The following ACTA2 variants were observed in gnomAD, a reference collection of about 807,000 sequenced individuals.
ACTA2 encodes the protein actin alpha 2, smooth muscle.
Under a neutral mutation model 39.5 loss-of-function variants are expected in ACTA2, and 12 were observed. The ratio of observed to expected loss-of-function variants is 0.30; its 90% confidence interval spans 0.19 to 0.49. The LOEUF (loss-of-function observed/expected upper bound fraction) is 0.49. Among genes scored for constraint, ACTA2 ranks in the 20% least tolerant of loss-of-function variants. ACTA2 has a pLI of 0.99. For missense variants in ACTA2, 236 were observed against 498.8 expected (o/e 0.47, Z 5.02); for synonymous variants, 158 against 180.6 (o/e 0.88, Z 1.00).
At chr10:88,962,927 ATATATATATATATATAT>A in intron 1 of ACTA2, among the ~76,000 whole-genome samples, 1 of 4,416 alleles carries the variant, frequency 2.3e-4, no homozygotes, top group South Asian at 4.3e-3. Context: ...ATATATATAT[ATATATATATATATATAT>A]ATATATATAT....
rs1268825216 is a variant in ACTA2, at chr10:88,943,877, G to A, written c.289C>T (p.Arg97Cys). The change falls in exon 4 of 9, where the codon CGT becomes TGT. Residue 97 changes from arginine (R) to cysteine (C), a missense_variant. Arg to Cys is a radical substitution (Grantham distance 180). Transcript: ENST00000224784. ...GTGGGATGCTCTTCAGGGGCAACAC[G>A]AAGCTCATTGTAGAAAGAGTGGTGC... The part of the protein sequence containing the change: ...IWHHSFYNEL[R>C]VAPEEHPTLL... The A allele has an allele frequency of 1.9e-6, 3 of 1,613,922 alleles. No homozygotes were observed. Among genetic ancestry groups the A allele is most frequent in the Admixed American group, 1.7e-5 (1 of 59,996 alleles).
intron 4 of ACTA2, among the ~76,000 whole-genome samples, chr10:88,943,094 G>A (rs1004880902): frequency 2.0e-5 from 3 of 152,188 alleles, no homozygotes; most frequent in Non-Finnish European, 4.4e-5. Flanking sequence ...GACAATGAAT[G>A]TAAAATGCTG....
chr10:88,985,301 T>C (rs893914908), intron 1 of ACTA2, among the ~76,000 whole-genome samples: 1 of 152,166 alleles, frequency 6.6e-6, no homozygotes, highest in South Asian at 2.1e-4. Context: ...AGTTGCTAAT[T>C]TGGGGGTGTT....
At chr10:88,982,035 T>C (rs1356967390) in intron 1 of ACTA2, among the ~76,000 whole-genome samples, 1 of 152,194 alleles carries the variant, frequency 6.6e-6, no homozygotes, top group Non-Finnish European at 1.5e-5. Flanking sequence ...GTCTAACACA[T>C]AGTGAGTGCT....
intron 1 of ACTA2, among the ~76,000 whole-genome samples, chr10:88,964,212 T>A (rs985671066): frequency 6.6e-6 from 1 of 152,142 alleles, no homozygotes; most frequent in East Asian, 1.9e-4. Context: ...CGAATTCTTA[T>A]CTGGAACCCC....
rs1847076206 is a variant in ACTA2, at chr10:88,990,142, TCCCTTTTCAGA to T, written c.-24+786_-24+796del. On this transcript the variant is annotated intron_variant, in intron 1 of 4. Transcript: ENST00000415557. This position sits in a 1 kb window ranked among gnomAD's most constrained non-coding sequence, Gnocchi z 4.9. The stretch of plus-strand genomic sequence containing the variant: ...TTGAGAAATAAAAACTAAGGGGCCC[TCCCTTTTCAGA>T]GCCCTATGGCGCAACATCTGTACTT... Among the ~76,000 whole-genome samples the T allele has an allele frequency of 1.3e-5, 2 of 152,238 alleles. No individual in the cohort carries two copies. The highest frequency in any genetic ancestry group is 4.8e-5 in the African/African-American group (2 of 41,554).
intron 1 of ACTA2, among the ~76,000 whole-genome samples, chr10:88,985,601 T>A (rs1846856665): frequency 6.6e-6 from 1 of 152,194 alleles, no homozygotes; most frequent in Non-Finnish European, 1.5e-5. Context: ...AGCTGTCCCC[T>A]CAGCCTTTTC....
chr10:88,957,168 G>A (rs1380199360), upstream of ACTA2, among the ~76,000 whole-genome samples: 2 of 152,154 alleles, frequency 1.3e-5, no homozygotes, highest in Non-Finnish European at 2.9e-5. Flanking sequence ...ATCCTGTAAT[G>A]GCCAACTAGG....
intron 1 of ACTA2, among the ~76,000 whole-genome samples, chr10:88,959,304 C>T (rs1462019571): frequency 6.6e-6 from 1 of 152,168 alleles, no homozygotes; most frequent in Non-Finnish European, 1.5e-5. Context: ...AATGCACAGG[C>T]TACACTCTAG....
At chr10:88,950,349 T>C (rs1846027249) in intron 1 of ACTA2, among the ~76,000 whole-genome samples, 1 of 152,138 alleles carries the variant, frequency 6.6e-6, no homozygotes, top group African/African-American at 2.4e-5. Context: ...TCCAAATCCA[T>C]ATAAAAAAGG....
chr10:88,962,968 T>G (rs1846258767), intron 1 of ACTA2, among the ~76,000 whole-genome samples: 1 of 41,556 alleles, frequency 2.4e-5, no homozygotes, highest in African/African-American at 1.3e-4. Context: ...TATATATATA[T>G]ATATATATAA....
At chr10:88,964,180 A>G (rs1846282548) in intron 1 of ACTA2, among the ~76,000 whole-genome samples, 1 of 152,076 alleles carries the variant, frequency 6.6e-6, no homozygotes, top group South Asian at 2.1e-4. Context: ...GGGAGGAAAA[A>G]AGAATTCTCT....
upstream of ACTA2, among the ~76,000 whole-genome samples, chr10:88,953,304 A>G (rs1846082258): frequency 6.6e-6 from 1 of 152,220 alleles, no homozygotes; most frequent in Non-Finnish European, 1.5e-5. Context: ...ACTGTTTATA[A>G]ATCAAGTTCT....
chr10:88,969,592 G>A (rs1554843685), intron 1 of ACTA2, among the ~76,000 whole-genome samples: 1 of 151,468 alleles, frequency 6.6e-6, no homozygotes, highest in African/African-American at 2.4e-5. Context: ...TTTTTGGCTG[G>A]TTTACTCCTA....
At chr10:88,939,368 G>A in intron 7 of ACTA2, 139 bp downstream of exon 7, 1 of 1,111,788 alleles carries the variant, frequency 9.0e-7, no homozygotes, top group Admixed American at 1.7e-5. Context: ...CCTTGAAAAT[G>A]TGGCACTTTC....
intron 1 of ACTA2, among the ~76,000 whole-genome samples, chr10:88,966,028 T>C (rs1846312785): frequency 6.6e-6 from 1 of 152,112 alleles, no homozygotes; most frequent in Non-Finnish European, 1.5e-5. Context: ...TAAAATGTAT[T>C]AGGTTGGTGC....
chr10:88,952,491 A>G (rs977820093), intron 1 of ACTA2, among the ~76,000 whole-genome samples: 4 of 152,220 alleles, frequency 2.6e-5, no homozygotes, highest in African/African-American at 9.6e-5. Flanking sequence ...GAAGACATGC[A>G]TTAATAAAAT....
At chr10:88,943,299 A>G (rs1289926275) in intron 4 of ACTA2, among the ~76,000 whole-genome samples, 1 of 152,224 alleles carries the variant, frequency 6.6e-6, no homozygotes, top group Non-Finnish European at 1.5e-5. Flanking sequence ...GAACCATGAT[A>G]CACATCTGTC....
chr10:88,986,830 TC>T (rs1485874153), intron 1 of ACTA2, among the ~76,000 whole-genome samples: 1 of 152,210 alleles, frequency 6.6e-6, no homozygotes, highest in African/African-American at 2.4e-5. Flanking sequence ...TTACTTTTTT[TC>T]ATCTGAACTG....
Sources: gnomAD v4.1 joint callset for allele counts (sites outside exome capture counted in the v4.1 genomes callset) on GRCh38, gnomAD v4.1.1 for gene constraint, Gnocchi (gnomAD v3.1) non-coding constraint, MANE v1.5 for transcripts, NCBI Gene and HGNC (gene_info 2026-07-23, HGNC 2026-07-21) for gene names.